GKAP1: variants seen among roughly 807,000 people sequenced by gnomAD.
The protein encoded by GKAP1 is G kinase-anchoring protein 1.
A neutral mutation model predicts 56.7 loss-of-function variants in GKAP1; 31 were observed. The ratio of observed to expected loss-of-function variants is 0.55; its 90% CI spans 0.41 to 0.74. The LOEUF is 0.74. Ranked by LOEUF, GKAP1 falls within the 30% of genes least tolerant of loss-of-function variation. GKAP1 has a pLI of 0.00. For synonymous variants in GKAP1, 151 were observed against 138.6 expected (o/e 1.09, Z -0.63); for missense variants, 364 against 402.3 (o/e 0.90, Z 0.82).
chr9:83,749,939 C>T (rs979629865), intron 9 of GKAP1, among the ~76,000 whole-genome samples: 2 of 152,160 alleles, frequency 1.3e-5, no homozygotes, highest in African/African-American at 4.8e-5. Context: ...AACACATACA[C>T]TCAACTACAA....
intron 2 of GKAP1, among the ~76,000 whole-genome samples, chr9:83,806,996 T>C (rs978612218): frequency 2.6e-5 from 4 of 152,200 alleles, no homozygotes; most frequent in African/African-American, 9.6e-5. Context: ...AAAGACGGAA[T>C]ACCACTCTTA....
chr9:83,791,318 G>C (rs1220394353), intron 4 of GKAP1, among the ~76,000 whole-genome samples: 1 of 151,944 alleles, frequency 6.6e-6, no homozygotes, highest in Non-Finnish European at 1.5e-5. Context: ...CACGAGAATG[G>C]TGTGAACCCA....
chr9:83,810,107 T>A (rs1238036087), intron 2 of GKAP1, among the ~76,000 whole-genome samples: 1 of 152,216 alleles, frequency 6.6e-6, no homozygotes, highest in Admixed American at 6.5e-5. Flanking sequence ...CCACCGCAAC[T>A]GCCCCAAATC....
chr9:83,810,608 A>G (rs527957215), intron 2 of GKAP1, among the ~76,000 whole-genome samples: 1 of 152,318 alleles, frequency 6.6e-6, no homozygotes, highest in East Asian at 1.9e-4. Context: ...GCAAAAGGCA[A>G]ATGGCAGGGA....
chr9:83,742,116 T>C, intron 11 of GKAP1, 87 bp from the exon 12 acceptor site: 1 of 784,430 alleles, frequency 1.3e-6, no homozygotes, highest in East Asian at 2.6e-5. Flanking sequence ...GATAGGTTTT[T>C]GACAGCTAAA....
chr9:83,744,368 A>T (rs1943256289), intron 10 of GKAP1, among the ~76,000 whole-genome samples: 1 of 152,162 alleles, frequency 6.6e-6, no homozygotes, highest in Non-Finnish European at 1.5e-5. Flanking sequence ...GTACTCCTTG[A>T]ATATCTACCA....
At chr9:83,807,795 T>C (rs1350797545) in intron 2 of GKAP1, among the ~76,000 whole-genome samples, 2 of 152,362 alleles carry the variant, frequency 1.3e-5, no homozygotes, top group East Asian at 3.9e-4. Flanking sequence ...AGGTCCACCC[T>C]ATTCATTGCA....
intron 4 of GKAP1, among the ~76,000 whole-genome samples, chr9:83,795,670 C>T (rs1352821468): frequency 1.3e-5 from 2 of 149,136 alleles, no homozygotes; most frequent in African/African-American, 2.5e-5. Flanking sequence ...CGGCTCACTG[C>T]AGCCTGAGTA....
intron 5 of GKAP1, 40 bp from the exon 6 acceptor site, chr9:83,784,878 A>G: frequency 6.9e-7 from 1 of 1,440,096 alleles, no homozygotes; most frequent in Non-Finnish European, 9.4e-7. Context: ...TCAGTTTACA[A>G]ACTGTAAAAT....
chr9:83,782,869 A>G (rs1445917662), intron 6 of GKAP1, among the ~76,000 whole-genome samples: 1 of 151,990 alleles, frequency 6.6e-6, no homozygotes, highest in Non-Finnish European at 1.5e-5. Flanking sequence ...GGGTTTCACC[A>G]TGTTGGCCAG....
chr9:83,758,502 G>T (rs1369223276), intron 8 of GKAP1, among the ~76,000 whole-genome samples: 2 of 152,150 alleles, frequency 1.3e-5, no homozygotes, highest in Non-Finnish European at 2.9e-5. Flanking sequence ...GGAGGCTGAG[G>T]CAGGCAGATC....
intron 2 of GKAP1, among the ~76,000 whole-genome samples, chr9:83,809,995 G>A (rs192077336): frequency 6.6e-6 from 1 of 152,036 alleles, no homozygotes; most frequent in Non-Finnish European, 1.5e-5. Context: ...TTTTTTTATA[G>A]AGATGGGGGT....
chr9:83,756,155 T>G (rs547825002), intron 8 of GKAP1, among the ~76,000 whole-genome samples: 2 of 151,932 alleles, frequency 1.3e-5, no homozygotes, highest in African/African-American at 2.4e-5. Flanking sequence ...TAGAGGCAAT[T>G]TACCTATAAA....
At chr9:83,760,331 C>T (rs775384400) in intron 8 of GKAP1, among the ~76,000 whole-genome samples, 35 of 151,896 alleles carry the variant, frequency 2.3e-4, no homozygotes, top group Admixed American at 3.9e-4. Flanking sequence ...ATTTTAAATA[C>T]ATATGCACCC....
intron 2 of GKAP1, among the ~76,000 whole-genome samples, chr9:83,809,393 G>C (rs1944478906): frequency 6.6e-6 from 1 of 152,214 alleles, no homozygotes; most frequent in African/African-American, 2.4e-5. Context: ...TGCACATGCT[G>C]CTCTGGAGTT....
chr9:83,751,410 A>G (rs1436234309), intron 9 of GKAP1, among the ~76,000 whole-genome samples: 2 of 152,136 alleles, frequency 1.3e-5, no homozygotes, highest in Non-Finnish European at 2.9e-5. Context: ...AACTATTTAC[A>G]TGTTTATCTT....
chr9:83,759,621 G>A (rs1159428478), intron 8 of GKAP1, among the ~76,000 whole-genome samples: 2 of 151,766 alleles, frequency 1.3e-5, no homozygotes, highest in East Asian at 3.9e-4. Context: ...ATTTTTTTTG[G>A]ACATGTCTTC....
intron 6 of GKAP1, among the ~76,000 whole-genome samples, chr9:83,782,171 ATC>A (rs1943985113): frequency 6.6e-6 from 1 of 150,866 alleles, no homozygotes; most frequent in South Asian, 2.1e-4. Flanking sequence ...AAGAGACAAG[ATC>A]TCACTCTGTT....
At chr9:83,801,151 G>C (rs1048417376) in intron 3 of GKAP1, among the ~76,000 whole-genome samples, 7 of 152,112 alleles carry the variant, frequency 4.6e-5, no homozygotes, top group African/African-American at 1.7e-4. Context: ...TATACAAAGA[G>C]GTGAAGACAC....
Sources: allele counts gnomAD v4.1 joint callset (sites outside exome capture counted in the v4.1 genomes callset), GRCh38; gene constraint gnomAD v4.1.1; transcripts MANE v1.5; gene names NCBI Gene and HGNC (gene_info 2026-07-23, HGNC 2026-07-21).